Variants in ACE observed in about 807,000 individuals in gnomAD.
ACE encodes angiotensin I converting enzyme.
A neutral mutation model predicts 162.3 loss-of-function variants in ACE; 122 were observed. That is an observed-to-expected ratio of 0.75 (90% CI 0.65 to 0.87). ACE has a LOEUF of 0.87. Ranked by LOEUF, ACE falls within the 40% of genes least tolerant of loss-of-function variation. ACE has a pLI of 0.00. For synonymous variants in ACE, 796 were observed against 720.6 expected (o/e 1.10, Z -1.68); for missense variants, 1,799 against 1,735.1 (o/e 1.04, Z -0.65).
In ACE at chr17:63,488,738, T is replaced by G; in HGVS notation, c.2396T>G (p.Leu799Arg). 1 of 1,613,768 alleles carries G rather than the reference T, an allele frequency of 6.2e-7. No individual in the cohort carries two copies. Among genetic ancestry groups the G allele is most frequent in the Non-Finnish European group, 8.5e-7 (1 of 1,179,972 alleles). ...GWRDKAGRAI[L>R]QFYPKYVELI... ...CGAGACAAGGCGGGGAGAGCCATCC[T>G]CCAGTTTTACCCGAAATACGTGGAA... Residue 799 changes from leucine to arginine, a missense_variant, in exon 16 of 25, where the codon CTC becomes CGC. Coordinates refer to ENST00000290866, the MANE Select transcript of ACE (RefSeq NM_000789.4).
chr17:63,491,136 C>T lies in ACE; in HGVS notation c.2740-73C>T. ...GGAGTTCCCTCCAGTTTAGCCCTCC[C>T]CCGGGATCCCCACGGCAGCACGCAG... is the stretch of plus-strand genomic sequence containing the variant. On this transcript the variant is annotated intron_variant, in intron 18 of 24. Transcript: ENST00000290866. This position sits in a 1 kb window ranked among gnomAD's most constrained non-coding sequence, Gnocchi z 4.4. 1 of 1,610,808 alleles carries T rather than the reference C, an allele frequency of 6.2e-7. No individual in the cohort carries two copies. The highest frequency in any genetic ancestry group is 8.5e-7 in the Non-Finnish European group (1 of 1,178,204).
intron 22 of ACE, 141 bp from the exon 23 acceptor site, chr17:63,496,252 TG>T: frequency 8.0e-7 from 1 of 1,245,032 alleles, no homozygotes; most frequent in Non-Finnish European, 1.2e-6. Context: ...CTGATAGCTG[TG>T]GGCAGAGTTG....
chr17:63,497,447 C>A lies in ACE; in HGVS notation c.*81C>A. On this transcript the variant is annotated 3_prime_UTR_variant, in exon 25 of 25. Coordinates refer to ENST00000290866, the MANE Select transcript of ACE (RefSeq NM_000789.4). ...GAACACTGGTGGGCAGCTGAGGACA[C>A]ACCCCACACCCCAGCCCACCCTGCT... 8.0e-7 allele frequency: 1 copy of A among 1,253,592 alleles called. No individual in the cohort carries two copies. The highest frequency in any genetic ancestry group is 1.1e-6 in the Non-Finnish European group (1 of 886,364). The allele number at this position is 1,253,592 out of a possible 1,614,324, so 77.7% of individuals were successfully genotyped here.
At chr17:63,483,740 T>C (rs2029861279) in intron 10 of ACE, 109 bp from the exon 11 acceptor site, 4 of 1,582,466 alleles carry the variant, frequency 2.5e-6, no homozygotes, top group East Asian at 2.2e-5. Flanking sequence ...TCCCCCAAGA[T>C]AGCTTCTGGT....
rs1392601666 is a variant in ACE at position 63,490,950 on chromosome 17, C to T, written c.2642-4C>T. ...TCTCTGCCGTCCCCCACACTCGCCT[C>T]CAGGGAACATGTGGGCGCAGACCTG... On this transcript the variant is annotated splice_polypyrimidine_tract_variant and splice_region_variant and intron_variant, in intron 17 of 24. Coordinates refer to ENST00000290866, the MANE Select transcript of ACE (RefSeq NM_000789.4). 1.9e-6 allele frequency: 3 copies of T among 1,613,980 alleles called. No homozygotes were observed. Among genetic ancestry groups the T allele is most frequent in the Non-Finnish European group, 1.7e-6 (2 of 1,179,940 alleles).
Position 63,488,784 on chromosome 17 carries a change from G to A in ACE, c.2442G>A (p.Arg814=), listed in dbSNP as rs753185179. ...KYVELINQAA[R]LNGYVDAGDS... Reference sequence around the variant, plus strand: ...TGGAACTCATCAACCAGGCTGCCCGGCTCAATGGTGAGTCCCTGCTGCCAA... The same window carrying A: ...TGGAACTCATCAACCAGGCTGCCCGACTCAATGGTGAGTCCCTGCTGCCAA... The change falls in exon 16 of 25, where the codon CGG becomes CGA. Residue 814 remains arginine (R), a synonymous_variant. Coordinates refer to ENST00000290866, the MANE Select transcript of ACE (RefSeq NM_000789.4). 14 of 1,613,870 alleles carry A rather than the reference G, an allele frequency of 8.7e-6. No homozygotes were observed. Among genetic ancestry groups the A allele is most frequent in the Non-Finnish European group, 1.2e-5 (14 of 1,180,032 alleles).
chr17:63,482,678 C>T lies in ACE; in HGVS notation c.1331C>T (p.Thr444Ile). Residue 444 changes from threonine (T) to isoleucine (I), a missense_variant, in exon 8 of 25, where the codon ACC (threonine) becomes ATC (isoleucine). By Grantham distance (89) the Thr-to-Ile change is moderately conservative. Transcript: ENST00000290866. ...LHKIGLLDRV[T>I]NDTESDINYL... ...AAAATCGGCCTGCTGGACCGTGTCA[C>T]CAATGACACGGGTATGGGAGGGCTG... 6.2e-7 allele frequency: 1 copy of T among 1,613,740 alleles called. No homozygotes were observed. Among genetic ancestry groups the T allele is most frequent in the Non-Finnish European group, 8.5e-7 (1 of 1,179,886 alleles).
intron 22 of ACE, among the ~76,000 whole-genome samples, chr17:63,495,838 C>T (rs992962032): frequency 6.6e-6 from 1 of 152,266 alleles, no homozygotes; most frequent in Non-Finnish European, 1.5e-5. Flanking sequence ...TACATGCTTG[C>T]ACCCAGCATT....
rs1318768216 is a variant in ACE, at chr17:63,493,446, T to G, written c.2923T>G (p.Cys975Gly). ...CTCCACTATTCCTAGGATCAAGCAG[T>G]GCACCACCGTGAACTTGGAGGACCT... is the stretch of plus-strand genomic sequence containing the variant. Reference protein sequence around the residue: ...YNGKDFRIKQCTTVNLEDLVV... With the variant: ...YNGKDFRIKQGTTVNLEDLVV... Residue 975 changes from cysteine (C) to glycine (G), a missense_variant, in exon 20 of 25, where the codon TGC becomes GGC. Cys to Gly is a radical substitution (Grantham distance 159). Coordinates refer to ENST00000290866, the MANE Select transcript of ACE (RefSeq NM_000789.4). 2 of 1,613,996 alleles carry G rather than the reference T, an allele frequency of 1.2e-6. No homozygotes were observed. Among genetic ancestry groups the G allele is most frequent in the South Asian group, 2.2e-5 (2 of 91,064 alleles).
At chr17:63,495,903 T>C (rs1415410813) in intron 22 of ACE, among the ~76,000 whole-genome samples, 1 of 152,214 alleles carries the variant, frequency 6.6e-6, no homozygotes, top group African/African-American at 2.4e-5. Flanking sequence ...CTTCAGACTT[T>C]AAGCTGGGGA....
Position 63,488,924 on chromosome 17 carries a change from C to T in ACE, c.2450-17C>T. On this transcript the variant is annotated splice_polypyrimidine_tract_variant and intron_variant, in intron 16 of 24. Transcript: ENST00000290866. ...GTAATGTGGTGTTGGGAGAGCCTGG[C>T]TGTGTCCCCTCTGTAGGCTATGTAG... 2 of 1,613,954 alleles carry T rather than the reference C, an allele frequency of 1.2e-6. No homozygotes were observed. The highest frequency in any genetic ancestry group is 1.7e-6 in the Non-Finnish European group (2 of 1,180,004).
At chr17:63,493,770 C>T (rs935440734) in intron 20 of ACE, 111 bp downstream of exon 20, 11 of 1,515,568 alleles carry the variant, frequency 7.3e-6, no homozygotes, top group African/African-American at 1.4e-5. Context: ...TGGGGCAGAG[C>T]AATCGGAAGG....
At position 63,497,422 on chromosome 17, in the gene ACE, G is replaced by A; in HGVS notation, c.*56G>A. The A allele has an allele frequency of 1.4e-6, 2 of 1,461,022 alleles. No homozygotes were observed. The highest frequency in any genetic ancestry group is 1.9e-6 in the Non-Finnish European group (2 of 1,071,202). The allele number at this position is 1,461,022 out of a possible 1,614,324, so 90.5% of individuals were successfully genotyped here. On this transcript the variant is annotated 3_prime_UTR_variant, in exon 25 of 25. Coordinates refer to ENST00000290866, the MANE Select transcript of ACE (RefSeq NM_000789.4). Reference sequence around the variant, plus strand: ...GGCCTCCCACCAGAGACTGGGATGGGAACACTGGTGGGCAGCTGAGGACAC... The same window carrying A: ...GGCCTCCCACCAGAGACTGGGATGGAAACACTGGTGGGCAGCTGAGGACAC...
rs567988443 is a variant in ACE at position 63,497,776 on chromosome 17, G to A, written c.*410G>A. 21 of 377,982 alleles carry A rather than the reference G, an allele frequency of 5.6e-5. No individual in the cohort carries two copies. Among genetic ancestry groups the A allele is most frequent in the Non-Finnish European group, 9.1e-5 (18 of 197,186 alleles). 23.4% of individuals were successfully genotyped at this position (377,982 alleles called of 1,614,324 possible). A position where few individuals can be genotyped will look rare whatever the true frequency, so the allele number is the denominator to read the frequency against. ...GAGCTCTGCCCCAGCACCTCCTGGCGCTGGCGCCTGTCTTCCCTCCAGCCC... is the reference window on the plus strand; with the variant it reads ...GAGCTCTGCCCCAGCACCTCCTGGCACTGGCGCCTGTCTTCCCTCCAGCCC... On this transcript the variant is annotated 3_prime_UTR_variant, in exon 25 of 25. Transcript: ENST00000290866.
At position 63,491,205 on chromosome 17, in the gene ACE, G is replaced by A. The variant is rs1194187168; in HGVS notation, c.2740-4G>A. 19 of 1,613,850 alleles carry A rather than the reference G, an allele frequency of 1.2e-5. No individual in the cohort carries two copies. The highest frequency in any genetic ancestry group is 1.2e-4 in the Admixed American group (7 of 60,004). ...AGTTTGGGCAGAACTCCCTCTGCTT[G>A]CAGGGCTGGACGCCCAGGAGGATGT... On this transcript the variant is annotated splice_polypyrimidine_tract_variant and splice_region_variant and intron_variant, in intron 18 of 24. Transcript: ENST00000290866. The surrounding 1 kb of genome is among the most constrained non-coding windows in gnomAD (Gnocchi z 4.4).
In ACE at chr17:63,483,543, T is replaced by C. The variant is rs12720746; in HGVS notation, c.1571T>C (p.Val524Ala). 125 of 1,613,962 alleles carry C rather than the reference T, an allele frequency of 7.7e-5. No homozygotes were observed. The highest frequency in any genetic ancestry group is 1.5e-4 in the Admixed American group (9 of 59,998). ...DAGAKFHVPN[V>A]TPYIRYFVSF... Reference sequence around the variant, plus strand: ...GGAGCTAAGTTTCATGTTCCAAATGTGACACCATACATCAGGTATTAGCGC... The same window carrying C: ...GGAGCTAAGTTTCATGTTCCAAATGCGACACCATACATCAGGTATTAGCGC... Residue 524 changes from valine (V) to alanine (A), a missense_variant, in exon 10 of 25, where the codon GTG becomes GCG. Val to Ala is a moderately conservative substitution (Grantham distance 64, BLOSUM62 0). Coordinates refer to ENST00000290866, the MANE Select transcript of ACE (RefSeq NM_000789.4).
intron 15 of ACE, among the ~76,000 whole-genome samples, chr17:63,488,387 G>A (rs1215669612): frequency 6.8e-5 from 10 of 147,604 alleles, no homozygotes; most frequent in African/African-American, 2.3e-4. Flanking sequence ...AAAAAGGAGA[G>A]GAGAGAGACT....
chr17:63,487,273 C>G (rs913070364), intron 15 of ACE, among the ~76,000 whole-genome samples, 200 bp downstream of exon 15: 8 of 152,158 alleles, frequency 5.3e-5, no homozygotes, highest in African/African-American at 1.9e-4. Flanking sequence ...ATGCCCCGAT[C>G]AGCTGCCCCT....
intron 22 of ACE, among the ~76,000 whole-genome samples, chr17:63,495,362 A>G (rs1006304907): frequency 6.6e-6 from 1 of 152,192 alleles, no homozygotes; most frequent in African/African-American, 2.4e-5. Flanking sequence ...CAGGTAGCCC[A>G]GGCCACCCCC....
Sources: gnomAD v4.1 joint callset for allele counts (sites outside exome capture counted in the v4.1 genomes callset) on GRCh38, gnomAD v4.1.1 for gene constraint, Gnocchi (gnomAD v3.1) non-coding constraint, MANE v1.5 for transcripts, NCBI Gene and HGNC (gene_info 2026-07-23, HGNC 2026-07-21) for gene names.